Variants in ATG9B observed in about 807,000 individuals in gnomAD.
ATG9B encodes autophagy-related protein 9B.
A neutral mutation model predicts 92.9 loss-of-function variants in ATG9B; 92 were observed. The observed-to-expected ratio is 0.99, with a 90% CI of 0.84 to 1.18. ATG9B has a LOEUF of 1.18. Among genes scored for constraint, ATG9B ranks in the 50% most tolerant of loss-of-function variants. ATG9B has a pLI of 0.00. For missense variants in ATG9B, 1,344 were observed against 1,235.0 expected (o/e 1.09, Z -1.32); for synonymous variants, 599 against 551.4 (o/e 1.09, Z -1.21).
rs971313166 is a variant in ATG9B, at chr7:151,016,540, A to G, written c.2424-13T>C. 8.4e-6 allele frequency: 13 copies of G among 1,549,490 alleles called. No individual in the cohort carries two copies. Among genetic ancestry groups the G allele is most frequent in the Non-Finnish European group, 1.0e-5 (12 of 1,146,430 alleles). ...TGGGGACACAGAGCTGGAACATAACATGAAGCAGGTCAAAAGTCATGCCCT... is the reference window on the plus strand; with the variant it reads ...TGGGGACACAGAGCTGGAACATAACGTGAAGCAGGTCAAAAGTCATGCCCT... On this transcript the variant is annotated splice_polypyrimidine_tract_variant and intron_variant, in intron 10 of 13. Transcript: ENST00000639579.
chr7:151,017,348 C>T (rs1420317954), intron 8 of ATG9B, 76 bp from the exon 9 acceptor site: 7 of 1,371,050 alleles, frequency 5.1e-6, no homozygotes, highest in African/African-American at 1.5e-5. Context: ...AAACACTGCC[C>T]CATCTTCCAC....
At chr7:151,014,490 T>C (rs556568807), downstream of ATG9B, 182 of 358,392 alleles carry the variant, frequency 5.1e-4, no homozygotes, top group Admixed American at 8.9e-4. Flanking sequence ...ATCTTACCTG[T>C]AAAGTCTAAT....
chr7:151,018,155 C>T lies in ATG9B; in HGVS notation c.1873-105G>A, dbSNP rs1584924492. 1 of 1,466,156 alleles carries T rather than the reference C, an allele frequency of 6.8e-7. No individual in the cohort carries two copies. The highest frequency in any genetic ancestry group is 2.5e-5 in the East Asian group (1 of 40,620). The allele number at this position is 1,466,156 out of a possible 1,614,324, so 90.8% of individuals were successfully genotyped here. ...CCCTCGCCAGGGCAAGAAGCCTCCC[C>T]ACCCAGTCACTCCCTAGACTCCTGG... On this transcript the variant is annotated intron_variant, in intron 7 of 13. Coordinates refer to ENST00000639579, the MANE Select transcript of ATG9B (RefSeq NM_001317056.2). This position sits in a 1 kb window ranked among gnomAD's most constrained non-coding sequence, Gnocchi z 4.7.
In ATG9B at chr7:151,024,292, C is replaced by A; in HGVS notation, c.132G>T (p.Gly44=). Residue 44 remains glycine (G), a synonymous_variant, in exon 1 of 14, where the codon GGG becomes GGT. Coordinates refer to ENST00000639579, the MANE Select transcript of ATG9B (RefSeq NM_001317056.2). ...PPPPPSCRGP[G]GGRISIFSLS... is the part of the protein sequence containing the mutation. ...GAGAGAAGATGGAGATCCTCCCTCC[C>A]CCAGGTCCCCGGCATGAAGGAGGAG... is the stretch of plus-strand genomic sequence containing the variant. The A allele has an allele frequency of 7.0e-7, 1 of 1,428,886 alleles. No homozygotes were observed. 88.5% of individuals were successfully genotyped at this position (1,428,886 alleles called of 1,614,324 possible).
chr7:151,012,681 G>A (rs1270993338), downstream of ATG9B: 24 of 543,208 alleles, frequency 4.4e-5, no homozygotes, highest in Non-Finnish European at 7.5e-5. Context: ...GTACATAGTA[G>A]GTGTTGACTG....
downstream of ATG9B, chr7:151,012,954 G>A (rs528809461): frequency 1.2e-5 from 6 of 499,248 alleles, no homozygotes; most frequent in African/African-American, 9.8e-5. Flanking sequence ...GTCACACAAT[G>A]CAAAGGGCAT....
At chr7:151,013,597 C>A (rs3918210), downstream of ATG9B, 990 of 1,055,384 alleles carry the variant, frequency 9.4e-4, 19 homozygotes, top group South Asian at 0.015. Context: ...GTTGACACCG[C>A]CCCAGGGCAC....
chr7:151,013,931 G>A (rs1250453781), downstream of ATG9B: 4 of 1,598,448 alleles, frequency 2.5e-6, no homozygotes, highest in South Asian at 1.1e-5. Context: ...GCGGAGGGGC[G>A]GGCCGGGCCT....
intron 4 of ATG9B, among the ~76,000 whole-genome samples, chr7:151,022,259 C>G (rs958043705): frequency 6.8e-6 from 1 of 147,926 alleles, no homozygotes; most frequent in South Asian, 2.1e-4. Flanking sequence ...AGCCTCCTGA[C>G]TAGGCTTAGC....
At chr7:151,014,134 T>C (rs1285918885), downstream of ATG9B, 4 of 1,611,364 alleles carry the variant, frequency 2.5e-6, no homozygotes, top group Non-Finnish European at 3.4e-6. Context: ...GCCCTGGGCG[T>C]TCGACCCTCC....
rs780197061 is a variant in ATG9B, at chr7:151,019,378, A to C, written c.964-4T>G. ...AGGGAACCGAGCTCAGCTCCTCCTG[A>C]AAGGGGCACTGATGAGAGCCAGCGA... is the stretch of plus-strand genomic sequence containing the variant. On this transcript the variant is annotated splice_polypyrimidine_tract_variant and splice_region_variant and intron_variant, in intron 5 of 13. Transcript: ENST00000639579. 1.3e-6 allele frequency: 2 copies of C among 1,514,510 alleles called. No homozygotes were observed. Among genetic ancestry groups the C allele is most frequent in the African/African-American group, 2.8e-5 (2 of 71,998 alleles). 93.8% of individuals were successfully genotyped at this position (1,514,510 alleles called of 1,614,324 possible).
downstream of ATG9B, chr7:151,012,881 G>A: frequency 8.5e-6 from 3 of 352,992 alleles, no homozygotes; most frequent in Non-Finnish European, 1.6e-5. Flanking sequence ...AGAGGGCTGT[G>A]ACTGGGAGGA....
At chr7:151,016,652 T>G (rs3800788) in intron 10 of ATG9B, 36 bp downstream of exon 10, 31 of 1,544,332 alleles carry the variant, frequency 2.0e-5, no homozygotes, top group East Asian at 9.9e-5. Context: ...CCCACCCCCC[T>G]CCACATGCCC....
chr7:151,016,377 T>C (rs548522453), intron 11 of ATG9B, 54 bp downstream of exon 11: 1 of 1,535,476 alleles, frequency 6.5e-7, no homozygotes, highest in African/African-American at 1.4e-5. Context: ...TCAGTCTCCA[T>C]GTTGTTCACC....
intron 12 of ATG9B, 25 bp downstream of exon 12, chr7:151,016,084 C>T (rs1795468049): frequency 1.3e-6 from 2 of 1,540,532 alleles, no homozygotes; most frequent in Non-Finnish European, 1.8e-6. Context: ...CAGGCTCTGT[C>T]CCCTGCAGGC....
At chr7:151,017,327 G>A (rs1795543324) in intron 8 of ATG9B, 55 bp from the exon 9 acceptor site, 2 of 1,492,324 alleles carry the variant, frequency 1.3e-6, no homozygotes, top group East Asian at 2.3e-5. Context: ...TATGGGAACA[G>A]GTGGGACAGG....
intron 4 of ATG9B, among the ~76,000 whole-genome samples, chr7:151,022,699 G>A (rs1795795450): frequency 6.6e-6 from 1 of 151,800 alleles, no homozygotes. Context: ...AAATACACGT[G>A]GTGGTGCACG....
downstream of ATG9B, chr7:151,014,804 T>G (rs1016865015): frequency 2.0e-5 from 3 of 152,170 alleles, no homozygotes; most frequent in African/African-American, 7.2e-5. Flanking sequence ...AGACGGGGTT[T>G]CACCATCTTG....
chr7:151,021,448 T>A, intron 4 of ATG9B, 119 bp from the exon 5 acceptor site: 1 of 1,384,646 alleles, frequency 7.2e-7, no homozygotes, highest in Non-Finnish European at 9.5e-7. Flanking sequence ...GACCAGCAGC[T>A]CTCAAGGTAG....
Sources: allele counts gnomAD v4.1 joint callset (sites outside exome capture counted in the v4.1 genomes callset), GRCh38; gene constraint gnomAD v4.1.1; non-coding constraint Gnocchi (gnomAD v3.1); transcripts MANE v1.5; gene names NCBI Gene and HGNC (gene_info 2026-07-23, HGNC 2026-07-21).